ARHGEF3: variants seen among roughly 807,000 people sequenced by gnomAD.
The protein encoded by ARHGEF3 is 59.8 kDA protein.
In ARHGEF3, 28 loss-of-function variants were observed where a neutral mutation model predicts 63.2. That is an observed-to-expected ratio of 0.44 (90% CI 0.33 to 0.61). ARHGEF3 has a LOEUF of 0.61. Among genes scored for constraint, ARHGEF3 ranks in the 20% least tolerant of loss-of-function variants. The probability of loss-of-function intolerance (pLI) is 0.03; values close to 1 mark genes in which losing one functional copy is unlikely to be tolerated. For missense variants in ARHGEF3, 533 were observed against 659.3 expected, an observed-to-expected ratio of 0.81 and a Z score of 2.10; for synonymous variants, 266 against 254.2, an observed-to-expected ratio of 1.05 and a Z score of -0.44.
At chr3:56,997,309 A>T (rs993467298) in intron 2 of ARHGEF3, among the ~76,000 whole-genome samples, 1 of 152,034 alleles carries the variant, frequency 6.6e-6, no homozygotes, top group African/African-American at 2.4e-5. Context: ...GTCCACTCAC[A>T]TGCCCTGTGG....
intron 4 of ARHGEF3, among the ~76,000 whole-genome samples, chr3:56,835,503 T>C (rs542291585): frequency 1.1e-3 from 167 of 152,272 alleles, no homozygotes; most frequent in African/African-American, 3.9e-3. Context: ...AAAGCACGTG[T>C]ACACCCCTAT....
intron 3 of ARHGEF3, among the ~76,000 whole-genome samples, chr3:56,947,320 GAC>G (rs1317950711): frequency 6.6e-6 from 1 of 152,138 alleles, no homozygotes; most frequent in African/African-American, 2.4e-5. Context: ...CCAATTAAAA[GAC>G]ACAGACTGGC....
chr3:56,861,339 T>G (rs1489195653), intron 4 of ARHGEF3, among the ~76,000 whole-genome samples: 1 of 152,074 alleles, frequency 6.6e-6, no homozygotes, highest in Non-Finnish European at 1.5e-5. Context: ...GGCCTTAGAT[T>G]GTCTAGAAAG....
At chr3:57,015,010 C>CTT (rs35395324) in intron 2 of ARHGEF3, among the ~76,000 whole-genome samples, 83 of 142,626 alleles carry the variant, frequency 5.8e-4, no homozygotes, top group Admixed American at 9.1e-4. Flanking sequence ...TTTTCATGTA[C>CTT]TTTTTTTTTT....
chr3:56,819,615 G>C (rs1231458163), intron 4 of ARHGEF3, among the ~76,000 whole-genome samples: 1 of 147,032 alleles, frequency 6.8e-6, no homozygotes, highest in Non-Finnish European at 1.5e-5. Flanking sequence ...GGGCTCAAGT[G>C]ATCCTCCCAT....
At chr3:56,800,299 T>C (rs2037575456) in intron 1 of ARHGEF3, among the ~76,000 whole-genome samples, 1 of 152,212 alleles carries the variant, frequency 6.6e-6, no homozygotes, top group Non-Finnish European at 1.5e-5. Context: ...GCTGCTCCTA[T>C]GTTGATTAAA....
chr3:56,966,277 C>T lies in ARHGEF3; in HGVS notation c.63-7388G>A, dbSNP rs77948339. ...TGTATAGTGGGTACAGAGATGAATG[C>T]TATACAAAGATACAGAATTAGGTCT... On this transcript the variant is annotated intron_variant, in intron 2 of 12. Transcript: ENST00000338458. Among the ~76,000 whole-genome samples, 392 of 152,236 alleles carry T rather than the reference C, an allele frequency of 2.6e-3. 4 individuals are homozygous for T. The East Asian group carries it at 0.042, about 16-fold the overall frequency.
At chr3:57,017,904 C>T (rs147796798) in intron 2 of ARHGEF3, among the ~76,000 whole-genome samples, 9 of 152,120 alleles carry the variant, frequency 5.9e-5, no homozygotes, top group Non-Finnish European at 7.4e-5. Flanking sequence ...GGAAGAGAAA[C>T]GAGCTTGGAA....
At chr3:56,835,124 A>G (rs1480806869) in intron 4 of ARHGEF3, among the ~76,000 whole-genome samples, 1 of 152,158 alleles carries the variant, frequency 6.6e-6, no homozygotes, top group Non-Finnish European at 1.5e-5. Context: ...TCTCTAAATT[A>G]TCTTGTTTTG....
At chr3:56,874,783 G>A (rs2040533384) in intron 4 of ARHGEF3, among the ~76,000 whole-genome samples, 1 of 152,178 alleles carries the variant, frequency 6.6e-6, no homozygotes, top group Non-Finnish European at 1.5e-5. Flanking sequence ...CCTGGAGGTG[G>A]TGTGGGGAGG....
intron 1 of ARHGEF3, among the ~76,000 whole-genome samples, chr3:56,774,302 T>C (rs1330683172): frequency 1.4e-5 from 2 of 147,802 alleles, no homozygotes; most frequent in Non-Finnish European, 3.0e-5. Flanking sequence ...TTCATTAAAT[T>C]AAAAAAAAAA....
intron 4 of ARHGEF3, among the ~76,000 whole-genome samples, chr3:56,847,450 G>T (rs894624954): frequency 1.3e-5 from 2 of 152,182 alleles, no homozygotes; most frequent in South Asian, 2.1e-4. Context: ...TGGAGGTGAG[G>T]AGGGAGCATT....
chr3:56,949,142 G>T (rs1699672283), intron 3 of ARHGEF3, among the ~76,000 whole-genome samples: 1 of 151,750 alleles, frequency 6.6e-6, no homozygotes, highest in African/African-American at 2.4e-5. Context: ...AATAATAAGA[G>T]CTATCTATGA....
chr3:56,839,979 C>A (rs1559983193), intron 4 of ARHGEF3, among the ~76,000 whole-genome samples: 1 of 152,158 alleles, frequency 6.6e-6, no homozygotes. Flanking sequence ...ACTTCAACCC[C>A]CAGATCCCAG....
intron 1 of ARHGEF3, among the ~76,000 whole-genome samples, chr3:56,785,460 G>T (rs2036756426): frequency 6.6e-6 from 1 of 152,094 alleles, no homozygotes; most frequent in African/African-American, 2.4e-5. Context: ...CTCCAGTCTT[G>T]CCAGATCCCA....
chr3:56,760,593 C>T (rs959924236), intron 2 of ARHGEF3, among the ~76,000 whole-genome samples: 2 of 152,162 alleles, frequency 1.3e-5, no homozygotes, highest in African/African-American at 4.8e-5. Flanking sequence ...ATTCTCACAA[C>T]CACCCTGCAA....
chr3:57,042,696 A>G (rs1427984737), intron 1 of ARHGEF3, among the ~76,000 whole-genome samples: 4 of 33,530 alleles, frequency 1.2e-4, no homozygotes, highest in African/African-American at 3.1e-4. Flanking sequence ...ATATATATAT[A>G]TATATTTTTT....
At chr3:57,053,548 T>G (rs1446691595) in intron 1 of ARHGEF3, among the ~76,000 whole-genome samples, 1 of 152,242 alleles carries the variant, frequency 6.6e-6, no homozygotes, top group East Asian at 1.9e-4. Context: ...ATCTTAAGTA[T>G]ACAACTCAAT....
intron 3 of ARHGEF3, among the ~76,000 whole-genome samples, chr3:56,920,781 G>A (rs1286126268): frequency 6.6e-6 from 1 of 152,160 alleles, no homozygotes; most frequent in African/African-American, 2.4e-5. Context: ...GGCCGGGCAC[G>A]ATGGCTCATG....
Sources: gnomAD v4.1 joint callset for allele counts (sites outside exome capture counted in the v4.1 genomes callset) on GRCh38, gnomAD v4.1.1 for gene constraint, MANE v1.5 for transcripts, NCBI Gene and HGNC (gene_info 2026-07-23, HGNC 2026-07-21) for gene names.